Variants in RARB observed in about 807,000 individuals in gnomAD.
RARB encodes the protein retinoic acid receptor beta, also known as HBV-activated protein.
RARB carries 17 observed loss-of-function variants against 51.9 expected under a neutral mutation model. That is an observed-to-expected ratio of 0.33 (90% CI 0.22 to 0.49). RARB has a LOEUF of 0.49. Among genes scored for constraint, RARB ranks in the 20% least tolerant of loss-of-function variants. The probability of loss-of-function intolerance (pLI) is 0.99; values close to 1 mark genes in which losing one functional copy is unlikely to be tolerated. For missense variants in RARB, 369 were observed against 550.8 expected (o/e 0.67, Z 3.30); for synonymous variants, 215 against 195.4 (o/e 1.10, Z -0.84).
intron 3 of RARB, among the ~76,000 whole-genome samples, chr3:25,559,539 A>T (rs992347926): frequency 6.6e-6 from 1 of 152,228 alleles, no homozygotes; most frequent in Admixed American, 6.5e-5. Context: ...CTAGAATGTG[A>T]ATCTCTTGAA....
At chr3:25,314,612 A>C (rs1704372166) in intron 5 of RARB, among the ~76,000 whole-genome samples, 3 of 152,226 alleles carry the variant, frequency 2.0e-5, no homozygotes, top group Admixed American at 2.0e-4. Context: ...AGACATCAAC[A>C]AAAACCTTTT....
Position 25,550,771 on chromosome 3 carries a change from G to A in RARB, c.449-18987G>A, listed in dbSNP as rs141893335. On this transcript the variant is annotated intron_variant, in intron 3 of 7. Coordinates refer to ENST00000330688, the MANE Select transcript of RARB (RefSeq NM_000965.5). Reference sequence around the variant, plus strand: ...CGCCACCTGACAGGCCCCAGTGTGTGATGTTCCCCCTTCTGTGTCCATGTG... The same window carrying A: ...CGCCACCTGACAGGCCCCAGTGTGTAATGTTCCCCCTTCTGTGTCCATGTG... 3.7e-3 allele frequency among the ~76,000 whole-genome samples: 559 copies of A among 152,242 alleles called. 2 individuals are homozygous for A. The highest frequency in any genetic ancestry group is 0.013 in the African/African-American group (522 of 41,542).
At chr3:25,059,309 G>T (rs926506463) in intron 2 of RARB, among the ~76,000 whole-genome samples, 1 of 151,020 alleles carries the variant, frequency 6.6e-6, no homozygotes, top group African/African-American at 2.4e-5. Context: ...ATTTCCTCAG[G>T]GCACACTCCT....
chr3:25,154,088 T>C (rs959641368), intron 4 of RARB, among the ~76,000 whole-genome samples: 1 of 152,222 alleles, frequency 6.6e-6, no homozygotes, highest in African/African-American at 2.4e-5. Context: ...TCTTCTATGA[T>C]TATGTGGATT....
chr3:25,099,541 ATAT>A, intron 3 of RARB, among the ~76,000 whole-genome samples: 1 of 151,684 alleles, frequency 6.6e-6, no homozygotes, highest in African/African-American at 2.4e-5. Flanking sequence ...ATCTTCTTAG[ATAT>A]TATTATACTA....
At chr3:25,496,918 C>T (rs926818147) in intron 2 of RARB, among the ~76,000 whole-genome samples, 8 of 152,200 alleles carry the variant, frequency 5.3e-5, no homozygotes, top group African/African-American at 1.9e-4. Flanking sequence ...GAGTTTCACT[C>T]TTGTTACCCA....
intron 5 of RARB, among the ~76,000 whole-genome samples, chr3:25,259,344 G>A (rs1362304835): frequency 1.3e-5 from 2 of 152,080 alleles, no homozygotes; most frequent in Non-Finnish European, 2.9e-5. Flanking sequence ...CCAATGATAT[G>A]TAGGCAAAAG....
intron 5 of RARB, among the ~76,000 whole-genome samples, chr3:25,315,134 A>G (rs1271251949): frequency 3.3e-5 from 5 of 152,172 alleles, no homozygotes; most frequent in Non-Finnish European, 7.3e-5. Context: ...GAATGTGGAA[A>G]AATTCTTAAG....
intron 4 of RARB, among the ~76,000 whole-genome samples, chr3:25,168,084 T>C (rs1469784045): frequency 2.0e-5 from 3 of 152,186 alleles, no homozygotes; most frequent in Non-Finnish European, 4.4e-5. Flanking sequence ...ATGGACAGAC[T>C]AGAGAATTTG....
intron 2 of RARB, among the ~76,000 whole-genome samples, chr3:24,954,779 A>G (rs1313040152): frequency 6.6e-6 from 1 of 152,140 alleles, no homozygotes; most frequent in African/African-American, 2.4e-5. Context: ...AATAAGATGG[A>G]AAAGTTCCTT....
intron 4 of RARB, among the ~76,000 whole-genome samples, chr3:25,146,539 G>T (rs1206211884): frequency 1.5e-5 from 2 of 130,468 alleles, no homozygotes; most frequent in Non-Finnish European, 1.6e-5. Context: ...CAAGAGTCTC[G>T]CTCTGTTGCC....
intron 5 of RARB, among the ~76,000 whole-genome samples, chr3:25,361,366 G>C (rs1705927268): frequency 6.6e-6 from 1 of 152,116 alleles, no homozygotes; most frequent in South Asian, 2.1e-4. Flanking sequence ...GGTTATTCTA[G>C]TTAGCAATTC....
intron 3 of RARB, among the ~76,000 whole-genome samples, chr3:25,514,775 T>C (rs1575477925): frequency 6.6e-6 from 1 of 152,138 alleles, no homozygotes; most frequent in African/African-American, 2.4e-5. Flanking sequence ...AAGGGAAAGA[T>C]AAAAGTTGCT....
At chr3:25,114,504 A>T (rs958553337) in intron 3 of RARB, among the ~76,000 whole-genome samples, 2 of 152,178 alleles carry the variant, frequency 1.3e-5, no homozygotes, top group African/African-American at 2.4e-5. Context: ...CAGGATGTGT[A>T]ACTTTATATT....
At chr3:25,231,243 C>T (rs1476413134) in intron 5 of RARB, among the ~76,000 whole-genome samples, 1 of 152,110 alleles carries the variant, frequency 6.6e-6, no homozygotes, top group East Asian at 1.9e-4. Context: ...AGGGATTGTT[C>T]ATCAAGACAG....
At chr3:25,045,331 G>T (rs1333146562) in intron 2 of RARB, among the ~76,000 whole-genome samples, 1 of 152,144 alleles carries the variant, frequency 6.6e-6, no homozygotes, top group Non-Finnish European at 1.5e-5. Context: ...CAGAGTTGAG[G>T]AAGACTGGGG....
intron 2 of RARB, among the ~76,000 whole-genome samples, chr3:25,466,409 T>A (rs1461573157): frequency 6.6e-6 from 1 of 152,204 alleles, no homozygotes; most frequent in Non-Finnish European, 1.5e-5. Context: ...TTGGTCAGGC[T>A]GGTCTCAAAC....
intron 3 of RARB, among the ~76,000 whole-genome samples, chr3:25,121,491 G>A (rs1017237683): frequency 3.9e-5 from 6 of 152,082 alleles, no homozygotes; most frequent in African/African-American, 9.7e-5. Flanking sequence ...TGAATATGGT[G>A]CAAAAGAAAA....
intron 3 of RARB, among the ~76,000 whole-genome samples, chr3:25,518,335 G>C (rs902151442): frequency 6.6e-6 from 1 of 152,072 alleles, no homozygotes; most frequent in African/African-American, 2.4e-5. Flanking sequence ...GTGTCCACAA[G>C]AGGAAAATAG....
Sources: gnomAD v4.1 joint callset for allele counts (sites outside exome capture counted in the v4.1 genomes callset) on GRCh38, gnomAD v4.1.1 for gene constraint, MANE v1.5 for transcripts, NCBI Gene and HGNC (gene_info 2026-07-23, HGNC 2026-07-21) for gene names.